The following MEF2C variants were observed in gnomAD, a reference collection of about 807,000 sequenced individuals.
MEF2C encodes the protein myocyte-specific enhancer factor 2C.
MEF2C carries 6 observed loss-of-function variants against 50.5 expected under a neutral mutation model. The observed-to-expected ratio is 0.12, with a 90% CI of 0.07 to 0.23. The LOEUF is 0.23. Among genes scored for constraint, MEF2C ranks in the 10% least tolerant of loss-of-function variants. The pLI, the probability that MEF2C is intolerant of heterozygous loss-of-function variation, is 1.00. For synonymous variants in MEF2C, 183 were observed against 228.0 expected (o/e 0.80, Z 1.78); for missense variants, 276 against 605.0 (o/e 0.46, Z 5.70).
At chr5:88,818,012 A>T (rs1806312298) in intron 2 of MEF2C, among the ~76,000 whole-genome samples, 1 of 151,970 alleles carries the variant, frequency 6.6e-6, no homozygotes. Context: ...AAATAAGACA[A>T]ATGCATTCAA....
At chr5:88,751,430 C>A (rs572455148) in intron 5 of MEF2C, 128 of 984,868 alleles carry the variant, frequency 1.3e-4, no homozygotes, top group Non-Finnish European at 1.4e-4. Context: ...AAAAAATTGA[C>A]CCAAATAATA....
chr5:88,897,701 G>T (rs999246534), intron 1 of MEF2C, among the ~76,000 whole-genome samples: 3 of 152,156 alleles, frequency 2.0e-5, no homozygotes, highest in African/African-American at 4.8e-5. Flanking sequence ...CAACACAGTA[G>T]TGTTTAATTA....
At chr5:88,733,996 A>T (rs544779219) in intron 6 of MEF2C, 1 of 985,188 alleles carries the variant, frequency 1.0e-6, no homozygotes, top group African/African-American at 1.7e-5. Context: ...AAGCTGTTAC[A>T]TAAAACAATG....
At chr5:88,738,913 T>A (rs1176251804) in intron 6 of MEF2C, 1 of 984,892 alleles carries the variant, frequency 1.0e-6, no homozygotes. Context: ...ATACTGAGTT[T>A]AGCTACACTG....
At chr5:88,781,038 T>C (rs1787745794) in intron 3 of MEF2C, 5 of 602,016 alleles carry the variant, frequency 8.3e-6, no homozygotes, top group African/African-American at 8.0e-5. Flanking sequence ...TTTAACTCTA[T>C]TTTGACTGGA....
chr5:88,731,542 C>T (rs967094382), intron 7 of MEF2C, 187 bp downstream of exon 7: 23 of 549,052 alleles, frequency 4.2e-5, no homozygotes, highest in South Asian at 2.8e-4. Context: ...TTTTTTTACA[C>T]GGAAAAGGGA....
At chr5:88,776,616 G>A (rs1169325372) in intron 3 of MEF2C, among the ~76,000 whole-genome samples, 6 of 151,994 alleles carry the variant, frequency 3.9e-5, no homozygotes, top group Non-Finnish European at 5.9e-5. Flanking sequence ...TAAATAGATA[G>A]AAAAATACTG....
intron 1 of MEF2C, among the ~76,000 whole-genome samples, chr5:88,869,051 A>T (rs1404056470): frequency 2.6e-5 from 4 of 151,758 alleles, no homozygotes; most frequent in Non-Finnish European, 5.9e-5. Context: ...TAATTTAGCA[A>T]TTAATCTATA....
At chr5:88,741,711 C>A (rs1336067547) in intron 6 of MEF2C, 46 of 982,224 alleles carry the variant, frequency 4.7e-5, no homozygotes, top group Non-Finnish European at 5.3e-5. Context: ...ACTTTAAATA[C>A]AACATAATCG....
chr5:88,826,289 T>C (rs899980405), intron 1 of MEF2C, among the ~76,000 whole-genome samples: 1 of 152,044 alleles, frequency 6.6e-6, no homozygotes, highest in Non-Finnish European at 1.5e-5. Context: ...TTTTGAAATA[T>C]GCAAAGCAAT....
chr5:88,845,388 T>A (rs989541523), intron 1 of MEF2C, among the ~76,000 whole-genome samples: 3 of 152,238 alleles, frequency 2.0e-5, no homozygotes, highest in Admixed American at 6.5e-5. Context: ...CAACTGTAAG[T>A]AAGAAATTAC....
chr5:88,834,314 A>T (rs562559086), intron 1 of MEF2C, among the ~76,000 whole-genome samples: 1 of 152,172 alleles, frequency 6.6e-6, no homozygotes, highest in Non-Finnish European at 1.5e-5. Context: ...GTTGGAGTAC[A>T]TGGGAATCAA....
chr5:88,863,824 C>CTT lies in MEF2C; in HGVS notation c.-143+19129_-143+19130dup, dbSNP rs369890636. ...GTTGCAAATGACAGAATTTCTTTTTCTTTTTTTTTTTTTTTGAGAGAGAGC... is the reference window on the plus strand; with the variant it reads ...GTTGCAAATGACAGAATTTCTTTTTCTTTTTTTTTTTTTTTTTGAGAGAGAGC... On this transcript the variant is annotated intron_variant, in intron 1 of 10. Transcript: ENST00000504921. Among the ~76,000 whole-genome samples, 1,267 of 142,612 alleles carry CTT rather than the reference C, an allele frequency of 8.9e-3. 14 individuals carry two copies. The highest frequency in any genetic ancestry group is 0.019 in the Middle Eastern group (5 of 270). 93.6% of individuals were successfully genotyped at this position (142,612 alleles called of 152,430 possible).
intron 3 of MEF2C, among the ~76,000 whole-genome samples, chr5:88,795,883 A>G (rs1795823678): frequency 6.6e-6 from 1 of 152,218 alleles, no homozygotes; most frequent in African/African-American, 2.4e-5. Flanking sequence ...CCTTTTCTGC[A>G]TCTATTGAGA....
chr5:88,720,653 T>G lies in MEF2C; in HGVS notation c.*1951A>C, dbSNP rs766127808. Reference sequence around the variant, plus strand: ...TGATTGGAGATGAATCGACAGATCTTCACATTCCAAGAGAAGGAAAATCTT... The same window carrying G: ...TGATTGGAGATGAATCGACAGATCTGCACATTCCAAGAGAAGGAAAATCTT... On this transcript the variant is annotated 3_prime_UTR_variant, in exon 11 of 11. Transcript: ENST00000504921. 4.6e-5 allele frequency: 7 copies of G among 152,532 alleles called. No homozygotes were observed. The highest frequency in any genetic ancestry group is 5.9e-5 in the Non-Finnish European group (4 of 67,990). 9.4% of individuals were successfully genotyped at this position (152,532 alleles called of 1,614,324 possible). A position where few individuals can be genotyped will look rare whatever the true frequency, so the allele number is the denominator to read the frequency against.
intron 4 of MEF2C, among the ~76,000 whole-genome samples, chr5:88,754,792 T>C (rs1006890037): frequency 2.6e-5 from 4 of 152,192 alleles, no homozygotes; most frequent in African/African-American, 9.6e-5. Flanking sequence ...CAAAACCCTG[T>C]GAGGGCTCTC....
intron 1 of MEF2C, among the ~76,000 whole-genome samples, chr5:88,858,993 C>T (rs1824516940): frequency 6.6e-6 from 1 of 152,178 alleles, no homozygotes; most frequent in Non-Finnish European, 1.5e-5. Flanking sequence ...ACATTGTTTT[C>T]ATTGTTTCCA....
intron 3 of MEF2C, among the ~76,000 whole-genome samples, chr5:88,788,453 G>A (rs1043420892): frequency 1.3e-5 from 2 of 150,974 alleles, no homozygotes; most frequent in East Asian, 3.9e-4. Context: ...CAAATGATCC[G>A]CCTGCCTCGG....
chr5:88,789,448 G>A (rs1021265438), intron 3 of MEF2C, among the ~76,000 whole-genome samples: 1 of 151,946 alleles, frequency 6.6e-6, no homozygotes, highest in Non-Finnish European at 1.5e-5. Context: ...GATTACAGGT[G>A]TGAGCCACCA....
Sources: allele counts gnomAD v4.1 joint callset (sites outside exome capture counted in the v4.1 genomes callset), GRCh38; gene constraint gnomAD v4.1.1; transcripts MANE v1.5; gene names NCBI Gene and HGNC (gene_info 2026-07-23, HGNC 2026-07-21).